The following RASSF1 variants were observed in gnomAD, a reference collection of about 807,000 sequenced individuals.
RASSF1 encodes Ras association domain family member 1, also known as ras association domain-containing protein 1.
Under a neutral mutation model 34.3 loss-of-function variants are expected in RASSF1, and 33 were observed. The observed-to-expected ratio is 0.96, with a 90% CI of 0.73 to 1.29. The LOEUF is 1.29. Ranked by LOEUF, RASSF1 falls within the 50% of genes most tolerant of loss-of-function variation. RASSF1 has a pLI of 0.00. For synonymous variants in RASSF1, 191 were observed against 195.0 expected (o/e 0.98, Z 0.17); for missense variants, 445 against 471.8 (o/e 0.94, Z 0.53).
At chr3:50,333,049 G>A (rs587753437) in intron 2 of RASSF1, among the ~76,000 whole-genome samples, 5 of 152,084 alleles carry the variant, frequency 3.3e-5, no homozygotes, top group East Asian at 3.9e-4. Flanking sequence ...AACTGAGATC[G>A]TGCCATCGCA....
intron 3 of RASSF1, 79 bp downstream of exon 3, chr3:50,331,969 TCA>T (rs1702962636): frequency 6.3e-7 from 1 of 1,575,738 alleles, no homozygotes; most frequent in Non-Finnish European, 8.7e-7. Flanking sequence ...CAAGATAACC[TCA>T]GTTGTGACCC....
chr3:50,337,693 G>C (rs1703207847), intron 2 of RASSF1: 3 of 845,492 alleles, frequency 3.5e-6, no homozygotes, highest in East Asian at 2.8e-5. Context: ...GGTCAGCCTG[G>C]GCCCGGGTCC....
chr3:50,330,953 C>T lies in RASSF1; in HGVS notation c.877-226G>A. ...CTGAGACAACCAAGTCAGATGTTCC[C>T]CAATTACCTGTGGACAGGTCAGGCA... On this transcript the variant is annotated intron_variant, in intron 5 of 5. Coordinates refer to ENST00000359365, the MANE Select transcript of RASSF1 (RefSeq NM_007182.5). This position sits in a 1 kb window ranked among gnomAD's most constrained non-coding sequence, Gnocchi z 4.5. Among the ~76,000 whole-genome samples the T allele has an allele frequency of 6.6e-6, 1 of 152,158 alleles. No homozygotes were observed. The highest frequency in any genetic ancestry group is 1.9e-4 in the East Asian group (1 of 5,198).
chr3:50,332,590 C>T (rs1184070195), intron 2 of RASSF1, among the ~76,000 whole-genome samples: 1 of 151,858 alleles, frequency 6.6e-6, no homozygotes, highest in Non-Finnish European at 1.5e-5. Flanking sequence ...GAGTTTGAGA[C>T]CAGCTTGGGC....
chr3:50,340,418 G>T, intron 1 of RASSF1, 138 bp downstream of exon 1: 1 of 1,213,762 alleles, frequency 8.2e-7, no homozygotes, highest in Non-Finnish European at 1.1e-6. Flanking sequence ...GCACTCTTCA[G>T]CGATGGGGCG....
chr3:50,332,867 G>C, intron 2 of RASSF1, among the ~76,000 whole-genome samples: 1 of 152,102 alleles, frequency 6.6e-6, no homozygotes, highest in Non-Finnish European at 1.5e-5. Context: ...GGCCGAGGCG[G>C]GTGGATCACC....
intron 2 of RASSF1, among the ~76,000 whole-genome samples, chr3:50,335,313 C>CTTTTTTTT (rs906428880): frequency 7.4e-5 from 8 of 107,972 alleles, no homozygotes; most frequent in Admixed American, 2.2e-4. Context: ...CCTATTCTTT[C>CTTTTTTTT]TTTTTTTTTT....
Position 50,331,600 on chromosome 3 carries a change from C to G in RASSF1, c.719G>C (p.Arg240Pro), listed in dbSNP as rs751246285. The G allele has an allele frequency of 6.2e-7, 1 of 1,602,496 alleles. No homozygotes were observed. Among genetic ancestry groups the G allele is most frequent in the South Asian group, 1.1e-5 (1 of 90,854 alleles). ...LRKFLVVDDP[R>P]KFALFERAER... ...AGCGCGCTCAAAGAGTGCAAACTTG[C>G]GGGGGTCATCCACCACCAAGAACTT... The change falls in exon 4 of 6, where the codon CGC (arginine) becomes CCC (proline). Residue 240 changes from arginine to proline, a missense_variant. Transcript: ENST00000359365.
chr3:50,337,158 C>A (rs148621054), intron 2 of RASSF1: 110 of 1,599,432 alleles, frequency 6.9e-5, no homozygotes, highest in Non-Finnish European at 7.9e-5. Context: ...CCCGCCGGCA[C>A]CCCCTGGCTC....
In RASSF1 at chr3:50,340,787, G is replaced by C; in HGVS notation, c.19C>G (p.Leu7Val). ...GGTGCCAGCTCCCGCAGCTCAATGA[G>C]CTCAGGCTCCCCCGACATGGCCCGG... The part of the protein sequence containing the change: MSGEPE[L>V]IELRELAPAG... Residue 7 changes from leucine to valine, a missense_variant, in exon 1 of 6, where the codon CTC becomes GTC. Coordinates refer to ENST00000359365, the MANE Select transcript of RASSF1 (RefSeq NM_007182.5). 1 of 1,512,814 alleles carries C rather than the reference G, an allele frequency of 6.6e-7. No individual in the cohort carries two copies. Among genetic ancestry groups the C allele is most frequent in the Non-Finnish European group, 8.8e-7 (1 of 1,140,468 alleles). 93.7% of individuals were successfully genotyped at this position (1,512,814 alleles called of 1,614,324 possible).
intron 1 of RASSF1, 112 bp downstream of exon 1, chr3:50,340,444 G>C: frequency 1.5e-6 from 2 of 1,323,860 alleles, no homozygotes; most frequent in Non-Finnish European, 1.9e-6. Flanking sequence ...AACGGACCTA[G>C]TCCTCGGGAG....
intron 1 of RASSF1, among the ~76,000 whole-genome samples, chr3:50,339,226 G>C (rs1032650518): frequency 1.3e-5 from 2 of 152,146 alleles, no homozygotes; most frequent in African/African-American, 4.8e-5. Context: ...CCAGTTACTG[G>C]AGACAAAAGC....
At chr3:50,337,324 G>T (rs778302576) in intron 2 of RASSF1, 2 of 1,611,148 alleles carry the variant, frequency 1.2e-6, no homozygotes, top group South Asian at 1.1e-5. Context: ...GCCCATAGCC[G>T]TACCCGCCCG....
chr3:50,333,878 C>A (rs758572573), intron 2 of RASSF1, among the ~76,000 whole-genome samples: 3 of 152,174 alleles, frequency 2.0e-5, no homozygotes, highest in Non-Finnish European at 4.4e-5. Context: ...GGGCTCTGAA[C>A]CGACTTTCTT....
At chr3:50,338,259 T>TC in intron 1 of RASSF1, 1 of 1,230,008 alleles carries the variant, frequency 8.1e-7, no homozygotes, top group Non-Finnish European at 1.0e-6. Context: ...GCACAGAACT[T>TC]CCCCTTTCCT....
intron 1 of RASSF1, among the ~76,000 whole-genome samples, chr3:50,339,665 G>T (rs922098312): frequency 2.0e-5 from 3 of 152,046 alleles, no homozygotes; most frequent in Non-Finnish European, 4.4e-5. Flanking sequence ...CACCGCGCTC[G>T]GCCCCTTGTT....
intron 2 of RASSF1, among the ~76,000 whole-genome samples, chr3:50,333,957 A>C (rs1703035388): frequency 6.6e-6 from 1 of 152,168 alleles, no homozygotes; most frequent in African/African-American, 2.4e-5. Context: ...CCCTAGTTAG[A>C]ATGCGAGTGT....
In RASSF1 at chr3:50,340,741, C is replaced by T. The variant is rs1703335999; in HGVS notation, c.65G>A (p.Gly22Asp). 2 of 1,514,668 alleles carry T rather than the reference C, an allele frequency of 1.3e-6. No individual in the cohort carries two copies. Among genetic ancestry groups the T allele is most frequent in the East Asian group, 2.7e-5 (1 of 36,566 alleles). The allele number at this position is 1,514,668 out of a possible 1,614,324, so 93.8% of individuals were successfully genotyped here. ...GTTGGCACGCTCCAGCCGGGTGCGGCCCTTCCCAGCGCGCCCAGCGGGTGC... is the reference window on the plus strand; with the variant it reads ...GTTGGCACGCTCCAGCCGGGTGCGGTCCTTCCCAGCGCGCCCAGCGGGTGC... Reference protein sequence around the residue: ...ELAPAGRAGKGRTRLERANAL... With the variant: ...ELAPAGRAGKDRTRLERANAL... The change falls in exon 1 of 6, where the codon GGC becomes GAC. Residue 22 changes from glycine to aspartate, a missense_variant. Coordinates refer to ENST00000359365, the MANE Select transcript of RASSF1 (RefSeq NM_007182.5).
At chr3:50,336,164 ACACTC>A (rs1206117976) in intron 2 of RASSF1, among the ~76,000 whole-genome samples, 2 of 152,250 alleles carry the variant, frequency 1.3e-5, no homozygotes, top group Non-Finnish European at 2.9e-5. Flanking sequence ...CCAGGGGTCT[ACACTC>A]AACTCAACCC....
Sources: gnomAD v4.1 joint callset for allele counts (sites outside exome capture counted in the v4.1 genomes callset) on GRCh38, gnomAD v4.1.1 for gene constraint, Gnocchi (gnomAD v3.1) non-coding constraint, MANE v1.5 for transcripts, NCBI Gene and HGNC (gene_info 2026-07-23, HGNC 2026-07-21) for gene names.